Variants in BRAF observed in about 807,000 individuals in gnomAD.
The protein encoded by BRAF is B-Raf proto-oncogene, serine/threonine kinase, also known as serine/threonine-protein kinase B-raf.
BRAF carries 16 observed loss-of-function variants against 104.6 expected under a neutral mutation model. That is an observed-to-expected ratio of 0.15 (90% CI 0.10 to 0.23). The LOEUF (loss-of-function observed/expected upper bound fraction) is 0.23, where lower values mean the gene tolerates loss of function less well. Ranked by LOEUF, BRAF falls within the 10% of genes least tolerant of loss-of-function variation. The pLI, the probability that BRAF is intolerant of heterozygous loss-of-function variation, is 1.00. For missense variants in BRAF, 541 were observed against 937.3 expected (o/e 0.58, Z 5.52); for synonymous variants, 310 against 341.6 (o/e 0.91, Z 1.02).
chr7:140,713,625 G>A, the BRAF span, among the ~76,000 whole-genome samples: 30 of 152,246 alleles, frequency 2.0e-4, no homozygotes, highest in East Asian at 3.5e-3. Flanking sequence ...GTCATTCTCC[G>A]TCCAGCTTTC....
rs1817832828 is a variant in BRAF, at chr7:140,918,275, G to A, written c.138+6291C>T. Among the ~76,000 whole-genome samples the A allele has an allele frequency of 2.0e-5, 3 of 152,250 alleles. No individual in the cohort carries two copies. The South Asian group carries it at 6.2e-4, about 32-fold the overall frequency. On this transcript the variant is annotated intron_variant, in intron 1 of 19. Transcript: ENST00000644969. ...TTTCATGGAAGACAATTTTTCCATG[G>A]ACAGGGGTAGAGGGGGTTTCAGGAT...
rs375090837 is a variant in BRAF, at chr7:140,871,022, T to G, written c.139-20810A>C. 2.4e-4 allele frequency among the ~76,000 whole-genome samples: 37 copies of G among 151,634 alleles called. 1 individual carries two copies. Among genetic ancestry groups the G allele is most frequent in the African/African-American group, 8.2e-4 (34 of 41,308 alleles). Reference sequence around the variant, plus strand: ...GCGGGCAGACCACAAGGTCAGGAGATCGAGACCATCCTGGCTAACACGGTG... The same window carrying G: ...GCGGGCAGACCACAAGGTCAGGAGAGCGAGACCATCCTGGCTAACACGGTG... On this transcript the variant is annotated intron_variant, in intron 1 of 19. Transcript: ENST00000644969.
intron 17 of BRAF, among the ~76,000 whole-genome samples, chr7:140,742,707 C>A (rs551830381): frequency 3.9e-4 from 60 of 152,214 alleles, no homozygotes; most frequent in East Asian, 1.7e-3. Flanking sequence ...GCAACAAAAG[C>A]CAAAATTGAC....
chr7:140,750,389 A>G (rs1008879176), intron 16 of BRAF, among the ~76,000 whole-genome samples: 1 of 152,210 alleles, frequency 6.6e-6, no homozygotes, highest in Admixed American at 6.5e-5. Context: ...AACAGCTGTA[A>G]ATGAGAATGA....
At chr7:140,798,272 C>CTTTTTTTTCTTT (rs10525418) in intron 7 of BRAF, among the ~76,000 whole-genome samples, 4 of 115,614 alleles carry the variant, frequency 3.5e-5, no homozygotes, top group East Asian at 2.5e-4. Context: ...CTTTTTTTTT[C>CTTTTTTTTCTTT]TTTTTTTTGA....
intron 1 of BRAF, among the ~76,000 whole-genome samples, chr7:140,906,862 G>A (rs1270796999): frequency 6.6e-6 from 1 of 152,050 alleles, no homozygotes; most frequent in Non-Finnish European, 1.5e-5. Context: ...TTGTATCTGG[G>A]TTTATGCAGT....
rs201891578 is a variant in BRAF at position 140,922,383 on chromosome 7, CA to C, written c.138+2182del. 7.9e-3 allele frequency among the ~76,000 whole-genome samples: 1,210 copies of C among 152,286 alleles called. 4 individuals are homozygous for C. The highest frequency in any genetic ancestry group is 0.012 in the Non-Finnish European group (847 of 68,012). On this transcript the variant is annotated intron_variant, in intron 1 of 19. Coordinates refer to ENST00000644969, the MANE Select transcript of BRAF (RefSeq NM_001374258.1). ...CTCTCACTTACTAAATCAGACTCTTCAGGGGGTACAGTTCCAAACAATCTGG... is the reference window on the plus strand; with the variant it reads ...CTCTCACTTACTAAATCAGACTCTTCGGGGGTACAGTTCCAAACAATCTGG...
intron 14 of BRAF, among the ~76,000 whole-genome samples, chr7:140,776,280 A>G (rs1800331526): frequency 6.6e-6 from 1 of 152,182 alleles, no homozygotes; most frequent in Admixed American, 6.5e-5. Context: ...TATAATTTTC[A>G]CCTAAGTGCT....
At chr7:140,914,371 G>T (rs549115119) in intron 1 of BRAF, among the ~76,000 whole-genome samples, 2 of 152,290 alleles carry the variant, frequency 1.3e-5, no homozygotes, top group East Asian at 3.9e-4. Flanking sequence ...CTTACTGTTA[G>T]TATGAGAAGG....
rs1358501601 is a variant in BRAF at position 140,904,087 on chromosome 7, T to C, written c.138+20479A>G. Among the ~76,000 whole-genome samples the C allele has an allele frequency of 2.0e-5, 3 of 152,220 alleles. No individual in the cohort carries two copies. The East Asian group carries it at 5.8e-4, about 29-fold the overall frequency. ...AATTAGTTGATGAAGCACTGGCAGA[T>C]CTGAGAGGACTGACTCTAATTTTAA... On this transcript the variant is annotated intron_variant, in intron 1 of 19. Coordinates refer to ENST00000644969, the MANE Select transcript of BRAF (RefSeq NM_001374258.1).
intron 2 of BRAF, among the ~76,000 whole-genome samples, chr7:140,837,165 A>G (rs1269993384): frequency 3.9e-5 from 6 of 152,170 alleles, no homozygotes; most frequent in Admixed American, 2.6e-4. Context: ...GCTGCATTCA[A>G]TATGAACTTC....
the BRAF span, among the ~76,000 whole-genome samples, chr7:140,714,035 A>T: frequency 6.6e-6 from 1 of 152,186 alleles, no homozygotes; most frequent in East Asian, 1.9e-4. Flanking sequence ...GGTGCCTCCC[A>T]GTTAGGCTAC....
intron 13 of BRAF, among the ~76,000 whole-genome samples, chr7:140,777,370 A>G (rs71645982): frequency 4.6e-5 from 7 of 152,254 alleles, no homozygotes; most frequent in East Asian, 3.9e-4. Flanking sequence ...GCTGACTCTC[A>G]TATCTTTATT....
Position 140,777,887 on chromosome 7 carries a change from T to C in BRAF, c.1637+104A>G, listed in dbSNP as rs564564758. 173 of 1,131,992 alleles carry C rather than the reference T, an allele frequency of 1.5e-4. 2 individuals carry two copies. Among genetic ancestry groups the C allele is most frequent in the Middle Eastern group, 1.5e-3 (6 of 3,960 alleles). 70.1% of individuals were successfully genotyped at this position (1,131,992 alleles called of 1,614,324 possible). A position where few individuals can be genotyped will look rare whatever the true frequency, so the allele number is the denominator to read the frequency against. On this transcript the variant is annotated intron_variant, in intron 13 of 19. Coordinates refer to ENST00000644969, the MANE Select transcript of BRAF (RefSeq NM_001374258.1). The stretch of plus-strand genomic sequence containing the variant: ...ACATACTCTGTTTCTACAAATTTAT[T>C]CATTTTGAGTAAATCTGTAAAGCTA...
chr7:140,860,189 T>C (rs538377457), intron 1 of BRAF, among the ~76,000 whole-genome samples: 3 of 152,170 alleles, frequency 2.0e-5, no homozygotes, highest in Admixed American at 2.0e-4. Context: ...ATGGTTCACA[T>C]TGGCATTATA....
At chr7:140,854,594 T>C (rs559482533) in intron 1 of BRAF, among the ~76,000 whole-genome samples, 1 of 151,850 alleles carries the variant, frequency 6.6e-6, no homozygotes, top group Non-Finnish European at 1.5e-5. Flanking sequence ...TAATCAGAGA[T>C]GAGAAATGAA....
intron 3 of BRAF, chr7:140,822,544 A>T (rs566795316): frequency 6.6e-6 from 1 of 152,292 alleles, no homozygotes; most frequent in South Asian, 2.1e-4. Flanking sequence ...ACGTGTAATC[A>T]TTTTTTGTCT....
chr7:140,722,186 A>C lies in BRAF; in HGVS notation c.*4308T>G. On this transcript the variant is annotated 3_prime_UTR_variant, in exon 20 of 20. Coordinates refer to ENST00000644969, the MANE Select transcript of BRAF (RefSeq NM_001374258.1). ...TGCAACCTAGTTGCTCTATGTGATA[A>C]ATATATCTGACTATACTAGGGATTA... 1 of 1,059,462 alleles carries C rather than the reference A, an allele frequency of 9.4e-7. No individual in the cohort carries two copies. The highest frequency in any genetic ancestry group is 1.1e-6 in the Non-Finnish European group (1 of 875,390). 65.6% of individuals were successfully genotyped at this position (1,059,462 alleles called of 1,614,324 possible). A position where few individuals can be genotyped will look rare whatever the true frequency, so the allele number is the denominator to read the frequency against.
Position 140,924,166 on chromosome 7 carries a change from TC to T in BRAF, c.138+399del, listed in dbSNP as rs1257646446. ...CACGCGACAGTAACTCGGGCTGTTG[TC>T]TCAGCCCCAGCAACTAACCTATATC... On this transcript the variant is annotated intron_variant, in intron 1 of 19. Transcript: ENST00000644969. The surrounding 1 kb of genome is among the most constrained non-coding windows in gnomAD (Gnocchi z 4.2). Among the ~76,000 whole-genome samples, 1 of 152,064 alleles carries T rather than the reference TC, an allele frequency of 6.6e-6. No individual in the cohort carries two copies. The highest frequency in any genetic ancestry group is 6.6e-5 in the Admixed American group (1 of 15,260).
Sources: gnomAD v4.1 joint callset for allele counts (sites outside exome capture counted in the v4.1 genomes callset) on GRCh38, gnomAD v4.1.1 for gene constraint, Gnocchi (gnomAD v3.1) non-coding constraint, MANE v1.5 for transcripts, NCBI Gene and HGNC (gene_info 2026-07-23, HGNC 2026-07-21) for gene names.